Variants in TONSL observed in about 807,000 individuals in gnomAD.
The protein encoded by TONSL is tonsoku-like protein.
A neutral mutation model predicts 147.1 loss-of-function variants in TONSL; 112 were observed. The ratio of observed to expected loss-of-function variants is 0.76; its 90% CI spans 0.65 to 0.89. The LOEUF is 0.89. Among genes scored for constraint, TONSL ranks in the 40% least tolerant of loss-of-function variants. The pLI is 0.00. For synonymous variants in TONSL, 868 were observed against 801.5 expected (o/e 1.08, Z -1.40); for missense variants, 1,883 against 1,864.6 (o/e 1.01, Z -0.18).
chr8:144,443,896 G>T lies in TONSL; in HGVS notation c.250C>A (p.Pro84Thr). The stretch of plus-strand genomic sequence containing the variant: ...GGCGCCCGCACCTGCAAGGCAGCCG[G>T]GTAGTCCTCCATCTCGGCCAGGCGC... The part of the protein sequence containing the change: ...GERLAEMEDY[P>T]AALQHQHQYL... The change falls in exon 3 of 26, where the codon CCG becomes ACG. Residue 84 changes from proline to threonine, a missense_variant. Transcript: ENST00000409379. 6.5e-7 allele frequency: 1 copy of T among 1,545,558 alleles called. No homozygotes were observed.
In TONSL at chr8:144,432,396, C is replaced by T; in HGVS notation, c.3624G>A (p.Arg1208=). ...TGCCGGCGGGCAGGCTCTGCAGGGT[C>T]CTGGCCAGGGCAGGGGCTCCCAGGG... ...YNALGAPALA[R]TLQSLPAGTL... Residue 1208 remains arginine, a synonymous_variant, in exon 23 of 26, where the codon AGG becomes AGA. Transcript: ENST00000409379. The T allele has an allele frequency of 1.2e-6, 2 of 1,604,610 alleles. No individual in the cohort carries two copies. Among genetic ancestry groups the T allele is most frequent in the Non-Finnish European group, 1.7e-6 (2 of 1,176,444 alleles).
Position 144,434,205 on chromosome 8 carries a change from G to C in TONSL, c.3160C>G (p.Leu1054Val). The change falls in exon 21 of 26, where the codon CTG becomes GTG. Residue 1054 changes from leucine to valine, a missense_variant. Coordinates refer to ENST00000409379, the MANE Select transcript of TONSL (RefSeq NM_013432.5). Reference protein sequence around the residue: ...GLSFSACSLALDQAQLTPLLR... With the variant: ...GLSFSACSLAVDQAQLTPLLR... ...AGGGGTGTAAGCTGGGCCTGGTCCAGGGCCAGGGAGCAGGCGCTGAACGAG... is the reference window on the plus strand; with the variant it reads ...AGGGGTGTAAGCTGGGCCTGGTCCACGGCCAGGGAGCAGGCGCTGAACGAG... 1 of 1,578,964 alleles carries C rather than the reference G, an allele frequency of 6.3e-7. No individual in the cohort carries two copies. The highest frequency in any genetic ancestry group is 2.3e-5 in the East Asian group (1 of 44,132).
Position 144,444,126 on chromosome 8 carries a change from C to CGGCCCG in TONSL, c.121+48_121+53dup, listed in dbSNP as rs1183526717. ...CCCGTCGCCCCCCGGCCCCCGATCC[C>CGGCCCG]GGCCCGGGCCCGGGCCCCGGCCCTG... On this transcript the variant is annotated intron_variant, in intron 2 of 25. Transcript: ENST00000409379. 804 of 1,307,534 alleles carry CGGCCCG rather than the reference C, an allele frequency of 6.1e-4. 1 individual carries two copies. The highest frequency in any genetic ancestry group is 7.3e-4 in the Non-Finnish European group (758 of 1,034,210). 81.0% of individuals were successfully genotyped at this position (1,307,534 alleles called of 1,614,324 possible). A position where few individuals can be genotyped will look rare whatever the true frequency, so the allele number is the denominator to read the frequency against.
In TONSL at chr8:144,442,823, C is replaced by A. The variant is rs769030259; in HGVS notation, c.449-17G>T. 15 of 1,604,950 alleles carry A rather than the reference C, an allele frequency of 9.3e-6. No homozygotes were observed. Among genetic ancestry groups the A allele is most frequent in the Non-Finnish European group, 8.5e-6 (10 of 1,175,330 alleles). On this transcript the variant is annotated splice_polypyrimidine_tract_variant and intron_variant, in intron 4 of 25. Coordinates refer to ENST00000409379, the MANE Select transcript of TONSL (RefSeq NM_013432.5). ...CCAGTGTCCCTGGAAGATACCCCCC[C>A]AAACACTCAGCCACTTCCTCCCCAC...
intron 7 of TONSL, 70 bp downstream of exon 7, chr8:144,441,967 G>A: frequency 7.2e-7 from 1 of 1,393,292 alleles, no homozygotes. Flanking sequence ...CACCTGGCGG[G>A]ACTCCACCCC....
At position 144,441,135 on chromosome 8, in the gene TONSL, G is replaced by A. The variant is rs773728926; in HGVS notation, c.866-24C>T. ...CACTGCCGGGAAGAGGTTCATGCAGGGGGGCAGCACAGGGGGCCCTGACCC... is the reference window on the plus strand; with the variant it reads ...CACTGCCGGGAAGAGGTTCATGCAGAGGGGCAGCACAGGGGGCCCTGACCC... On this transcript the variant is annotated intron_variant, in intron 7 of 25. Coordinates refer to ENST00000409379, the MANE Select transcript of TONSL (RefSeq NM_013432.5). The A allele has an allele frequency of 1.9e-6, 3 of 1,611,044 alleles. No homozygotes were observed. The Admixed American group carries it at 5.0e-5, about 27-fold the overall frequency.
chr8:144,433,555 A>G, intron 22 of TONSL, 33 bp downstream of exon 22: 1 of 1,607,388 alleles, frequency 6.2e-7, no homozygotes, highest in Non-Finnish European at 8.5e-7. Flanking sequence ...CCCCAGGGCT[A>G]GGGAGTGGAC....
Position 144,429,109 on chromosome 8 carries a change from G to T in TONSL, c.*34C>A. 1 of 1,493,496 alleles carries T rather than the reference G, an allele frequency of 6.7e-7. No individual in the cohort carries two copies. The highest frequency in any genetic ancestry group is 8.9e-7 in the Non-Finnish European group (1 of 1,126,696). The allele number at this position is 1,493,496 out of a possible 1,614,324, so 92.5% of individuals were successfully genotyped here. On this transcript the variant is annotated 3_prime_UTR_variant, in exon 26 of 26. Transcript: ENST00000409379. ...CGGCCAGCAGCTTCATTTATTAGGG[G>T]CTTCGGTGAGGGTGGGGAAAGGCAG...
rs540192745 is a variant in TONSL, at chr8:144,440,009, G to A, written c.1480+12C>T. On this transcript the variant is annotated intron_variant, in intron 11 of 25. Transcript: ENST00000409379. ...CAGGCCCAGGGAAATGCAAGGTGCCGCTGGCCCTCACCGCCCTCTGAGAGC... is the reference window on the plus strand; with the variant it reads ...CAGGCCCAGGGAAATGCAAGGTGCCACTGGCCCTCACCGCCCTCTGAGAGC... 12 of 1,030,192 alleles carry A rather than the reference G, an allele frequency of 1.2e-5. No homozygotes were observed. The Admixed American group carries it at 1.4e-4, about 12-fold the overall frequency. The allele number at this position is 1,030,192 out of a possible 1,614,324, so 63.8% of individuals were successfully genotyped here.
In TONSL at chr8:144,434,100, C is replaced by T. The variant is rs1554879344; in HGVS notation, c.3265G>A (p.Glu1089Lys). The change falls in exon 21 of 26, where the codon GAG (glutamate) becomes AAG (lysine). Residue 1089 changes from glutamate to lysine, a missense_variant. By Grantham distance (56) the Glu-to-Lys change is moderately conservative (BLOSUM62 1). Transcript: ENST00000409379. ...ATGGTGCCCAGGGCAGCCACCAGCT[C>T]AGCCACACACTTGTCCCCCAGCCGG... Reference protein sequence around the residue: ...GNRLGDKCVAELVAALGTMPS... With the variant: ...GNRLGDKCVAKLVAALGTMPS... The T allele has an allele frequency of 6.2e-7, 1 of 1,612,318 alleles. No homozygotes were observed.
At position 144,440,451 on chromosome 8, in the gene TONSL, G is replaced by A; in HGVS notation, c.1190C>T (p.Ala397Val). ...ATCGCCGGCCTCCTCGCGGGACAGT[G>A]CAATGTTCAGCCAGGTCTTGGCCTC... ...LEEAKTWLNI[A>V]LSREEAGDAY... Residue 397 changes from alanine (A) to valine (V), a missense_variant, in exon 10 of 26, where the codon GCA (alanine) becomes GTA (valine). By Grantham distance (64) the Ala-to-Val change is moderately conservative. Transcript: ENST00000409379. The A allele has an allele frequency of 6.2e-7, 1 of 1,604,630 alleles. No homozygotes were observed. Among genetic ancestry groups the A allele is most frequent in the Non-Finnish European group, 8.5e-7 (1 of 1,174,366 alleles).
In TONSL at chr8:144,429,314, C is replaced by T. The variant is rs1031362960; in HGVS notation, c.3966G>A (p.Leu1322=). ...GLSGCAVQGP[L]GLGLWDKIAA... is the part of the protein sequence containing the mutation. The stretch of plus-strand genomic sequence containing the variant: ...CTATCTTGTCCCACAGGCCCAGGCC[C>T]AGGGGACCCTGGACGGCGCAGCCTG... Residue 1322 remains leucine, a synonymous_variant, in exon 26 of 26, where the codon CTG becomes CTA. Transcript: ENST00000409379. The T allele has an allele frequency of 3.2e-5, 48 of 1,480,018 alleles. No individual in the cohort carries two copies. Among genetic ancestry groups the T allele is most frequent in the Non-Finnish European group, 4.2e-5 (47 of 1,111,078 alleles). 91.7% of individuals were successfully genotyped at this position (1,480,018 alleles called of 1,614,324 possible).
rs1485618613 is a variant in TONSL, at chr8:144,435,805, G to T, written c.2628C>A (p.Ala876=). The T allele has an allele frequency of 6.2e-7, 1 of 1,612,878 alleles. No individual in the cohort carries two copies. The highest frequency in any genetic ancestry group is 2.2e-5 in the East Asian group (1 of 44,868). ...DSEESRPRAR[A]KQVRLTCMQS... is the part of the protein sequence containing the mutation. ...GCATGCAGGTCAGGCGGACCTGCTT[G>T]GCTCGGGCACGGGGCCTGCTCTCCT... Residue 876 remains alanine (A), a synonymous_variant, in exon 17 of 26, where the codon GCC becomes GCA. Coordinates refer to ENST00000409379, the MANE Select transcript of TONSL (RefSeq NM_013432.5).
At chr8:144,431,286 A>G (rs1302843240) in intron 23 of TONSL, 135 bp from the exon 24 acceptor site, 7 of 728,318 alleles carry the variant, frequency 9.6e-6, no homozygotes, top group African/African-American at 1.8e-5. Flanking sequence ...GGAAGGAAAC[A>G]CCTCTCCTGA....
chr8:144,444,331 A>G, intron 1 of TONSL, 56 bp from the exon 2 acceptor site: 2 of 1,322,594 alleles, frequency 1.5e-6, no homozygotes, highest in South Asian at 4.0e-5. Flanking sequence ...GCCGGGGCCG[A>G]GTCCCAAGCC....
rs1333686200 is a variant in TONSL, at chr8:144,437,119, G to A, written c.1654-20C>T. 4 of 1,610,258 alleles carry A rather than the reference G, an allele frequency of 2.5e-6. No individual in the cohort carries two copies. Among genetic ancestry groups the A allele is most frequent in the Non-Finnish European group, 2.5e-6 (3 of 1,178,774 alleles). On this transcript the variant is annotated intron_variant, in intron 13 of 25. Coordinates refer to ENST00000409379, the MANE Select transcript of TONSL (RefSeq NM_013432.5). ...GTGGCCCTGTGACCAAGGACAGGAA[G>A]GAGCCTGGCCCTGTGTACCTCACAG...
intron 3 of TONSL, 78 bp downstream of exon 3, chr8:144,443,804 C>G: frequency 6.6e-7 from 1 of 1,516,184 alleles, no homozygotes; most frequent in Non-Finnish European, 8.8e-7. Context: ...CTCCTGACGG[C>G]GAAGACCAGG....
chr8:144,442,111 G>A lies in TONSL; in HGVS notation c.791C>T (p.Ala264Val), dbSNP rs1823742406. 3 of 1,612,586 alleles carry A rather than the reference G, an allele frequency of 1.9e-6. No homozygotes were observed. Among genetic ancestry groups the A allele is most frequent in the East Asian group, 2.2e-5 (1 of 44,892 alleles). Residue 264 changes from alanine to valine, a missense_variant, in exon 7 of 26, where the codon GCC becomes GTC. Physicochemically the swap from Ala to Val is moderately conservative, Grantham distance 64. Transcript: ENST00000409379. ...DLGDFLAAKR[A>V]LKKAYRLGSQ... is the part of the protein sequence containing the mutation. The stretch of plus-strand genomic sequence containing the variant: ...GCCCAGCCTGTAGGCCTTCTTCAGG[G>A]CTCGCTTGGCAGCCAAAAAGTCTCC...
chr8:144,441,757 A>T (rs139189276), intron 7 of TONSL: 4 of 398,534 alleles, frequency 1.0e-5, no homozygotes, highest in Non-Finnish European at 1.8e-5. Context: ...CAGTTTGCCA[A>T]TGAAGATGGT....
Sources: allele counts gnomAD v4.1 joint callset, GRCh38; gene constraint gnomAD v4.1.1; transcripts MANE v1.5; gene names NCBI Gene and HGNC (gene_info 2026-07-23, HGNC 2026-07-21).